Variants in NRSN1 observed in about 807,000 individuals in gnomAD.
The protein encoded by NRSN1 is neurensin 1, also known as neurensin-1.
A neutral mutation model predicts 17.3 loss-of-function variants in NRSN1; 14 were observed. The observed-to-expected ratio is 0.81, with a 90% CI of 0.54 to 1.27. NRSN1 has a LOEUF of 1.27. Among genes scored for constraint, NRSN1 ranks in the 50% most tolerant of loss-of-function variants. NRSN1 has a pLI of 0.00. For synonymous variants in NRSN1, 79 were observed against 94.2 expected, an observed-to-expected ratio of 0.84 and a Z score of 0.93; for missense variants, 209 against 235.9, an observed-to-expected ratio of 0.89 and a Z score of 0.75.
At chr6:24,137,502 C>T (rs1420857121) in intron 3 of NRSN1, among the ~76,000 whole-genome samples, 1 of 151,812 alleles carries the variant, frequency 6.6e-6, no homozygotes, top group Non-Finnish European at 1.5e-5. Flanking sequence ...GGGGAGGTGG[C>T]CATGTACACA....
At chr6:24,136,462 G>A (rs560125645) in intron 3 of NRSN1, among the ~76,000 whole-genome samples, 1 of 151,982 alleles carries the variant, frequency 6.6e-6, no homozygotes, top group East Asian at 1.9e-4. Flanking sequence ...ATCCTTACTG[G>A]CTTTAGCCAA....
At position 24,145,929 on chromosome 6, in the gene NRSN1, C is replaced by G. The variant is rs753005326; in HGVS notation, c.571C>G (p.Pro191Ala). Residue 191 changes from proline to alanine, a missense_variant, in exon 4 of 4, where the codon CCT (proline) becomes GCT (alanine). By Grantham distance (27) the Pro-to-Ala change is conservative. Coordinates refer to ENST00000378491, the MANE Select transcript of NRSN1 (RefSeq NM_080723.5). The surrounding 1 kb of genome is among the most constrained non-coding windows in gnomAD (Gnocchi z 4.4). ...VTLSRVQNVQ[P>A]LLAT ...TTTGTCCAGGGTTCAAAATGTCCAG[C>G]CTCTACTGGCAACCTGAAACCTTTC... The G allele has an allele frequency of 8.7e-6, 14 of 1,607,512 alleles. No individual in the cohort carries two copies. The highest frequency in any genetic ancestry group is 1.7e-4 in the Middle Eastern group (1 of 6,030).
rs777066914 is a variant in NRSN1, at chr6:24,146,334, C to A, written c.*388C>A. 2 of 481,772 alleles carry A rather than the reference C, an allele frequency of 4.2e-6. No individual in the cohort carries two copies. Among genetic ancestry groups the A allele is most frequent in the Non-Finnish European group, 8.5e-6 (2 of 234,550 alleles). The allele number at this position is 481,772 out of a possible 1,614,324, so 29.8% of individuals were successfully genotyped here. On this transcript the variant is annotated 3_prime_UTR_variant, in exon 4 of 4. Coordinates refer to ENST00000378491, the MANE Select transcript of NRSN1 (RefSeq NM_080723.5). ...CTAATATTGGTTTATCTAATGTTTTCTGCGTGGTGCTGTCTTCCATTCCTG... is the reference window on the plus strand; with the variant it reads ...CTAATATTGGTTTATCTAATGTTTTATGCGTGGTGCTGTCTTCCATTCCTG...
intron 3 of NRSN1, among the ~76,000 whole-genome samples, chr6:24,139,587 G>A (rs938885984): frequency 6.6e-6 from 1 of 152,180 alleles, no homozygotes; most frequent in Non-Finnish European, 1.5e-5. Flanking sequence ...GAGTGTTTGG[G>A]ACATTTTTCT....
At chr6:24,142,896 T>G (rs944239935) in intron 3 of NRSN1, among the ~76,000 whole-genome samples, 5 of 152,182 alleles carry the variant, frequency 3.3e-5, no homozygotes, top group African/African-American at 1.2e-4. Context: ...CCAGCTTTTA[T>G]ATCCTTATTT....
chr6:24,136,956 G>A (rs1436477676), intron 3 of NRSN1, among the ~76,000 whole-genome samples: 1 of 152,206 alleles, frequency 6.6e-6, no homozygotes, highest in East Asian at 1.9e-4. Flanking sequence ...GAATATGAGT[G>A]AATTCATGCC....
At chr6:24,138,878 G>T (rs1760156198) in intron 3 of NRSN1, among the ~76,000 whole-genome samples, 1 of 152,184 alleles carries the variant, frequency 6.6e-6, no homozygotes, top group Non-Finnish European at 1.5e-5. Flanking sequence ...GTATATATTT[G>T]TCATGTACAA....
rs71002461 is a variant in NRSN1, at chr6:24,134,004, TTGTG to T, written c.-9-281_-9-278del. On this transcript the variant is annotated intron_variant, in intron 2 of 3. Coordinates refer to ENST00000378491, the MANE Select transcript of NRSN1 (RefSeq NM_080723.5). ...GGTGCCCACCACCACACCCAGCTAA[TTGTG>T]TGTGTGTGTGTGTGTGTGTGTGTGT... 8.5e-3 allele frequency among the ~76,000 whole-genome samples: 1,136 copies of T among 132,940 alleles called. 20 individuals are homozygous for T. Among genetic ancestry groups the T allele is most frequent in the African/African-American group, 0.026 (908 of 34,296 alleles). 87.2% of individuals were successfully genotyped at this position (132,940 alleles called of 152,430 possible).
At chr6:24,132,017 G>A (rs1404033571) in intron 2 of NRSN1, among the ~76,000 whole-genome samples, 1 of 152,164 alleles carries the variant, frequency 6.6e-6, no homozygotes, top group Non-Finnish European at 1.5e-5. Flanking sequence ...GATTTCTTTA[G>A]ATGGTAGCTA....
At chr6:24,140,005 G>A (rs1028683218) in intron 3 of NRSN1, among the ~76,000 whole-genome samples, 3 of 152,208 alleles carry the variant, frequency 2.0e-5, no homozygotes, top group African/African-American at 7.2e-5. Flanking sequence ...ACAGTGAGTT[G>A]TTTGGAGCAG....
rs371414275 is a variant in NRSN1, at chr6:24,145,054, A to C, written c.190-494A>C. ...TAGATATATGATATATATTATATAT[A>C]ATATATATCTTTAGGTATATAATAT... On this transcript the variant is annotated intron_variant, in intron 3 of 3. Coordinates refer to ENST00000378491, the MANE Select transcript of NRSN1 (RefSeq NM_080723.5). The surrounding 1 kb of genome is among the most constrained non-coding windows in gnomAD (Gnocchi z 4.4). 8.2e-6 allele frequency among the ~76,000 whole-genome samples: 1 copy of C among 121,712 alleles called. No individual in the cohort carries two copies. The highest frequency in any genetic ancestry group is 2.9e-5 in the African/African-American group (1 of 34,892). 79.8% of individuals were successfully genotyped at this position (121,712 alleles called of 152,430 possible). A position where few individuals can be genotyped will look rare whatever the true frequency, so the allele number is the denominator to read the frequency against.
At chr6:24,139,076 T>G (rs545953572) in intron 3 of NRSN1, among the ~76,000 whole-genome samples, 2 of 152,198 alleles carry the variant, frequency 1.3e-5, no homozygotes, top group Non-Finnish European at 2.9e-5. Context: ...TGATTCCTCT[T>G]AGTTGAAATT....
chr6:24,132,516 A>G (rs1760050498), intron 2 of NRSN1, among the ~76,000 whole-genome samples: 1 of 152,242 alleles, frequency 6.6e-6, no homozygotes, highest in Non-Finnish European at 1.5e-5. Context: ...CGTATAGACT[A>G]TGTCCACATA....
intron 3 of NRSN1, among the ~76,000 whole-genome samples, chr6:24,136,760 C>T (rs1323444822): frequency 2.0e-5 from 3 of 152,160 alleles, no homozygotes; most frequent in African/African-American, 7.2e-5. Flanking sequence ...ATTATTTTCT[C>T]CCTTCTATTT....
At position 24,134,468 on chromosome 6, in the gene NRSN1, T is replaced by C; in HGVS notation, c.141T>C (p.Asp47=). 6.2e-7 allele frequency: 1 copy of C among 1,614,190 alleles called. No homozygotes were observed. The highest frequency in any genetic ancestry group is 1.1e-5 in the South Asian group (1 of 91,088). ...CCTCAATTTGGGAGTATGAGGATGA[T>C]TTCCAGATCCAAAGATCACCTAACA... ...CTASIWEYED[D]FQIQRSPNRW... Residue 47 remains aspartate, a synonymous_variant, in exon 3 of 4, where the codon GAT becomes GAC. Coordinates refer to ENST00000378491, the MANE Select transcript of NRSN1 (RefSeq NM_080723.5).
chr6:24,127,875 AGTGT>A (rs1317677749), intron 1 of NRSN1, among the ~76,000 whole-genome samples: 8 of 151,806 alleles, frequency 5.3e-5, no homozygotes, highest in African/African-American at 1.7e-4. Flanking sequence ...GCACATATAT[AGTGT>A]GTTATAATTT....
chr6:24,133,385 G>C (rs903783410), intron 2 of NRSN1, among the ~76,000 whole-genome samples: 1 of 152,220 alleles, frequency 6.6e-6, no homozygotes, highest in East Asian at 1.9e-4. Flanking sequence ...GGCATAAATT[G>C]CTCAGCAGCT....
At chr6:24,134,653 T>C in intron 3 of NRSN1, 137 bp downstream of exon 3, 1 of 691,784 alleles carries the variant, frequency 1.4e-6, no homozygotes, top group South Asian at 2.0e-5. Context: ...GCATTTTTCT[T>C]ACCTTAGGAA....
rs1760287762 is a variant in NRSN1 at position 24,145,478 on chromosome 6, C to T, written c.190-70C>T. On this transcript the variant is annotated intron_variant, in intron 3 of 3. Coordinates refer to ENST00000378491, the MANE Select transcript of NRSN1 (RefSeq NM_080723.5). This position sits in a 1 kb window ranked among gnomAD's most constrained non-coding sequence, Gnocchi z 4.4. ...CTCAAGAAACAAGACAAGTGCTGCCCTTGAGGGCTCAGGGGCGAGCCGAAG... is the reference window on the plus strand; with the variant it reads ...CTCAAGAAACAAGACAAGTGCTGCCTTTGAGGGCTCAGGGGCGAGCCGAAG... 5.7e-6 allele frequency: 7 copies of T among 1,231,760 alleles called. No homozygotes were observed. The highest frequency in any genetic ancestry group is 7.7e-6 in the Non-Finnish European group (7 of 904,890). 76.3% of individuals were successfully genotyped at this position (1,231,760 alleles called of 1,614,324 possible).
Sources: gnomAD v4.1 joint callset for allele counts (sites outside exome capture counted in the v4.1 genomes callset) on GRCh38, gnomAD v4.1.1 for gene constraint, Gnocchi (gnomAD v3.1) non-coding constraint, MANE v1.5 for transcripts, NCBI Gene and HGNC (gene_info 2026-07-23, HGNC 2026-07-21) for gene names.